Variants in CSMD1 observed in about 807,000 individuals in gnomAD.
CSMD1 encodes CUB and Sushi multiple domains 1.
Under a neutral mutation model 417.5 loss-of-function variants are expected in CSMD1, and 213 were observed. The ratio of observed to expected loss-of-function variants is 0.51; its 90% CI spans 0.46 to 0.57. CSMD1 has a LOEUF of 0.57. CSMD1 is among the 20% of genes least tolerant of loss of function. CSMD1 has a pLI of 0.00. For missense variants in CSMD1, 6,923 were observed against 4,529.7 expected (o/e 1.53, Z -15.17); for synonymous variants, 2,862 against 1,736.8 (o/e 1.65, Z -16.11).
At chr8:4,361,748 G>T (rs1003656252) in intron 3 of CSMD1, among the ~76,000 whole-genome samples, 2 of 152,136 alleles carry the variant, frequency 1.3e-5, no homozygotes, top group Non-Finnish European at 2.9e-5. Context: ...GAGGTCAGGA[G>T]ATCGAGACCA....
intron 1 of CSMD1, among the ~76,000 whole-genome samples, chr8:4,736,945 G>C (rs1692131872): frequency 6.6e-6 from 1 of 152,110 alleles, no homozygotes; most frequent in Admixed American, 6.6e-5. Context: ...CTCAGTCACA[G>C]CAAACCATTC....
chr8:3,264,161 A>G (rs1801273627), intron 26 of CSMD1, among the ~76,000 whole-genome samples: 1 of 152,220 alleles, frequency 6.6e-6, no homozygotes, highest in African/African-American at 2.4e-5. Context: ...ATGAACAATA[A>G]AAATCTGTAT....
chr8:3,936,032 G>A (rs1359324215), intron 5 of CSMD1, among the ~76,000 whole-genome samples: 1 of 152,154 alleles, frequency 6.6e-6, no homozygotes, highest in South Asian at 2.1e-4. Context: ...CCTTATTGCT[G>A]ATATGGAGAA....
intron 1 of CSMD1, among the ~76,000 whole-genome samples, chr8:4,755,758 G>C (rs1811627703): frequency 6.6e-6 from 1 of 151,986 alleles, no homozygotes; most frequent in Non-Finnish European, 1.5e-5. Flanking sequence ...ATTGCTTTTT[G>C]AATCTCCCTC....
At chr8:3,786,406 G>C (rs921320366) in intron 5 of CSMD1, among the ~76,000 whole-genome samples, 2 of 152,052 alleles carry the variant, frequency 1.3e-5, no homozygotes, top group African/African-American at 2.4e-5. Flanking sequence ...GATCGAACAA[G>C]AGTTTGGGGG....
At chr8:4,854,388 G>T (rs1230564443) in intron 1 of CSMD1, among the ~76,000 whole-genome samples, 2 of 152,058 alleles carry the variant, frequency 1.3e-5, no homozygotes, top group Non-Finnish European at 2.9e-5. Context: ...TTGTTTAGAA[G>T]CGTGTGCCAC....
At chr8:4,312,187 A>T (rs554405442) in intron 3 of CSMD1, among the ~76,000 whole-genome samples, 19 of 152,000 alleles carry the variant, frequency 1.3e-4, no homozygotes, top group Non-Finnish European at 2.4e-4. Context: ...AGACACAATG[A>T]ACATACACAC....
At chr8:4,976,086 C>A (rs929965780) in intron 1 of CSMD1, among the ~76,000 whole-genome samples, 3 of 152,144 alleles carry the variant, frequency 2.0e-5, no homozygotes, top group Admixed American at 6.5e-5. Flanking sequence ...GACACATGTT[C>A]TCACCTATTA....
At chr8:4,236,362 C>A (rs553989047) in intron 3 of CSMD1, among the ~76,000 whole-genome samples, 1 of 152,096 alleles carries the variant, frequency 6.6e-6, no homozygotes, top group South Asian at 2.1e-4. Flanking sequence ...AGATTTCATC[C>A]CCACTCGGAG....
At chr8:4,163,678 A>G (rs1797292601) in intron 3 of CSMD1, among the ~76,000 whole-genome samples, 1 of 152,188 alleles carries the variant, frequency 6.6e-6, no homozygotes, top group Admixed American at 6.5e-5. Flanking sequence ...TTAAAACAAG[A>G]AGTAACATAT....
intron 1 of CSMD1, among the ~76,000 whole-genome samples, chr8:4,917,252 G>T (rs1385549571): frequency 1.3e-5 from 2 of 152,126 alleles, no homozygotes; most frequent in Non-Finnish European, 1.5e-5. Context: ...ACAGCAGTAG[G>T]GGGATGGTTC....
intron 5 of CSMD1, among the ~76,000 whole-genome samples, chr8:3,787,398 T>G (rs1457914792): frequency 6.6e-6 from 1 of 152,194 alleles, no homozygotes; most frequent in African/African-American, 2.4e-5. Flanking sequence ...ACCAGGATTC[T>G]CCTGTTTTGT....
At chr8:3,551,621 A>G (rs1328217397) in intron 10 of CSMD1, among the ~76,000 whole-genome samples, 4 of 133,330 alleles carry the variant, frequency 3.0e-5, no homozygotes, top group Non-Finnish European at 4.9e-5. Flanking sequence ...TTTTCTGAAG[A>G]TACATTATGT....
chr8:4,678,401 A>C (rs62484570), intron 1 of CSMD1, among the ~76,000 whole-genome samples: 12,949 of 151,808 alleles, frequency 0.085, 609 homozygotes, highest in Middle Eastern at 0.12. Context: ...ACAGAGCAAG[A>C]CTCTGTCTCA....
At chr8:4,255,737 T>G (rs568620708) in intron 3 of CSMD1, among the ~76,000 whole-genome samples, 1 of 152,226 alleles carries the variant, frequency 6.6e-6, no homozygotes, top group East Asian at 1.9e-4. Context: ...AATCTAAGCA[T>G]AGACTTAAAC....
chr8:4,022,131 T>C (rs910716660), intron 4 of CSMD1, among the ~76,000 whole-genome samples: 24 of 145,786 alleles, frequency 1.6e-4, no homozygotes, highest in South Asian at 2.1e-4. Flanking sequence ...TATATATATA[T>C]ACATAAATAT....
chr8:3,931,174 A>G lies in CSMD1; in HGVS notation c.818+66729T>C, dbSNP rs757039188. Reference sequence around the variant, plus strand: ...AAACATCGTCTGCATCTTTTAAAGCATCTTCCCCTCATATCCATTTAGGAA... The same window carrying G: ...AAACATCGTCTGCATCTTTTAAAGCGTCTTCCCCTCATATCCATTTAGGAA... On this transcript the variant is annotated intron_variant, in intron 5 of 69. Coordinates refer to ENST00000635120, the MANE Select transcript of CSMD1 (RefSeq NM_033225.6). Among the ~76,000 whole-genome samples, 21 of 150,724 alleles carry G rather than the reference A, an allele frequency of 1.4e-4. 1 individual carries two copies. Among genetic ancestry groups the G allele is most frequent in the Non-Finnish European group, 2.5e-4 (17 of 67,616 alleles).
At chr8:3,427,848 C>T (rs1813953952) in intron 12 of CSMD1, among the ~76,000 whole-genome samples, 1 of 152,202 alleles carries the variant, frequency 6.6e-6, no homozygotes, top group Admixed American at 6.5e-5. Context: ...GAGGCGTATG[C>T]CTGTCAAATC....
chr8:3,147,872 T>C (rs1183407204), intron 40 of CSMD1, among the ~76,000 whole-genome samples: 1 of 152,206 alleles, frequency 6.6e-6, no homozygotes, highest in African/African-American at 2.4e-5. Context: ...CAGGAGGAGC[T>C]GGTTAACTGG....
Sources: allele counts gnomAD v4.1 joint callset (sites outside exome capture counted in the v4.1 genomes callset), GRCh38; gene constraint gnomAD v4.1.1; transcripts MANE v1.5; gene names NCBI Gene and HGNC (gene_info 2026-07-23, HGNC 2026-07-21).